LIMK1: variants seen among roughly 807,000 people sequenced by gnomAD.
LIMK1 encodes the protein LIM motif-containing protein kinase.
In LIMK1, 21 loss-of-function variants were observed where a neutral mutation model predicts 77.6. The ratio of observed to expected loss-of-function variants is 0.27; its 90% confidence interval spans 0.19 to 0.39. LIMK1 has a LOEUF of 0.39. Among genes scored for constraint, LIMK1 ranks in the 10% least tolerant of loss-of-function variants. LIMK1 has a pLI of 1.00. For missense variants in LIMK1, 696 were observed against 901.6 expected (o/e 0.77, Z 2.92); for synonymous variants, 358 against 370.0 (o/e 0.97, Z 0.37).
chr7:74,102,314 GTC>G lies in LIMK1; in HGVS notation c.608+3082_608+3083del, dbSNP rs374881434. Reference sequence around the variant, plus strand: ...TGCCATATTTGGGAGTTATATGTGTGTCTCTCTATATATACATATATGGATAC... The same window carrying G: ...TGCCATATTTGGGAGTTATATGTGTGTCTCTATATATACATATATGGATAC... On this transcript the variant is annotated intron_variant, in intron 5 of 15. Transcript: ENST00000336180. Among the ~76,000 whole-genome samples, 50 of 151,964 alleles carry G rather than the reference GTC, an allele frequency of 3.3e-4. 1 individual carries two copies. In the East Asian group the frequency reaches 9.5e-3, roughly 29 times the overall value.
intron 2 of LIMK1, among the ~76,000 whole-genome samples, chr7:74,091,895 A>T (rs1267783140): frequency 6.8e-6 from 1 of 147,940 alleles, no homozygotes; most frequent in Non-Finnish European, 1.5e-5. Context: ...GAGTGCAGTC[A>T]GTGGCCAGGG....
rs782543442 is a variant in LIMK1 at position 74,121,041 on chromosome 7, C to T, written c.1773C>T (p.Pro591=). ...CCGTGCGCTGTTGCGATCTGGACCC[C>T]GAGAAGAGGTGAGTGGGGTGGGGCC... is the stretch of plus-strand genomic sequence containing the variant. ...PITVRCCDLD[P]EKRPSFVKLE... The change falls in exon 15 of 16, where the codon CCC becomes CCT. Residue 591 remains proline (P), a synonymous_variant. Transcript: ENST00000336180. The T allele has an allele frequency of 9.4e-6, 15 of 1,596,496 alleles. No individual in the cohort carries two copies. Among genetic ancestry groups the T allele is most frequent in the Non-Finnish European group, 1.3e-5 (15 of 1,170,298 alleles).
chr7:74,106,329 C>T (rs1336452558), intron 7 of LIMK1, 86 bp downstream of exon 7: 2 of 1,465,104 alleles, frequency 1.4e-6, no homozygotes, highest in East Asian at 2.3e-5. Context: ...GGGGAGCCAG[C>T]CCTGCACAAA....
Position 74,106,112 on chromosome 7 carries a change from C to T in LIMK1, c.750C>T (p.Leu250=). Residue 250 remains leucine (L), a synonymous_variant, in exon 7 of 16, where the codon CTC becomes CTT. Transcript: ENST00000336180. ...DLLIQETSRL[L]QLTLEHDPHD... ...TGATTCAGGAAACCAGCCGCCTGCT[C>T]CAGCTGACCCTCGAGCATGACCCTC... The T allele has an allele frequency of 6.2e-7, 1 of 1,614,144 alleles. No individual in the cohort carries two copies. The highest frequency in any genetic ancestry group is 1.1e-5 in the South Asian group (1 of 91,082).
chr7:74,102,028 C>T (rs973910543), intron 5 of LIMK1, among the ~76,000 whole-genome samples: 12 of 152,038 alleles, frequency 7.9e-5, no homozygotes, highest in African/African-American at 1.2e-4. Flanking sequence ...CTTGCTGTGT[C>T]GCCCAGGCTA....
intron 5 of LIMK1, among the ~76,000 whole-genome samples, chr7:74,103,425 G>A (rs1799507222): frequency 6.6e-6 from 1 of 152,070 alleles, no homozygotes; most frequent in Non-Finnish European, 1.5e-5. Context: ...TCCTCTTAGG[G>A]AGACAGGCTC....
intron 2 of LIMK1, among the ~76,000 whole-genome samples, chr7:74,086,993 C>G (rs987428563): frequency 6.6e-6 from 1 of 152,054 alleles, no homozygotes; most frequent in Non-Finnish European, 1.5e-5. Flanking sequence ...TACATGAGGA[C>G]CTGAAGGTCA....
At chr7:74,116,241 C>G (rs899462872) in intron 13 of LIMK1, among the ~76,000 whole-genome samples, 2 of 152,094 alleles carry the variant, frequency 1.3e-5, no homozygotes, top group African/African-American at 2.4e-5. Context: ...ACTAAAAATA[C>G]AAAAATTAGC....
Position 74,099,266 on chromosome 7 carries a change from G to A in LIMK1, c.608+28G>A, listed in dbSNP as rs568492420. The A allele has an allele frequency of 5.7e-5, 91 of 1,595,836 alleles. 1 individual carries two copies. In the East Asian group the frequency reaches 1.4e-3, roughly 25 times the overall value. On this transcript the variant is annotated intron_variant, in intron 5 of 15. Transcript: ENST00000336180. The stretch of plus-strand genomic sequence containing the variant: ...GAGTGGCCGGCCTGCCGAGGCTGCC[G>A]TCGGTGTGGCTATGGCTGTTGATGT...
At chr7:74,105,111 G>A (rs1362930649) in intron 5 of LIMK1, among the ~76,000 whole-genome samples, 6 of 152,086 alleles carry the variant, frequency 3.9e-5, no homozygotes, top group Non-Finnish European at 8.8e-5. Flanking sequence ...CCACTGCCAC[G>A]CTCGGCTAAT....
intron 9 of LIMK1, among the ~76,000 whole-genome samples, 171 bp downstream of exon 9, chr7:74,108,128 G>A (rs528007372): frequency 6.6e-6 from 1 of 152,026 alleles, no homozygotes; most frequent in South Asian, 2.1e-4. Flanking sequence ...AAGGAGAGAG[G>A]ATACTTTGAG....
At chr7:74,106,273 G>T (rs910165258) in intron 7 of LIMK1, 30 bp downstream of exon 7, 1 of 1,577,914 alleles carries the variant, frequency 6.3e-7, no homozygotes, top group Non-Finnish European at 8.6e-7. Flanking sequence ...GGTTCAGCTG[G>T]GTGCTTTCAC....
chr7:74,121,333 C>T lies in LIMK1; in HGVS notation c.*32C>T. On this transcript the variant is annotated 3_prime_UTR_variant, in exon 16 of 16. Transcript: ENST00000336180. ...GCCACTCAGCTGCCCCTGTCCCCAC[C>T]TCTGGAGAATCCACCCCCACCAGAT... The T allele has an allele frequency of 6.6e-7, 1 of 1,526,618 alleles. No individual in the cohort carries two copies. The highest frequency in any genetic ancestry group is 8.8e-7 in the Non-Finnish European group (1 of 1,137,250). The allele number at this position is 1,526,618 out of a possible 1,614,324, so 94.6% of individuals were successfully genotyped here. A position where few individuals can be genotyped will look rare whatever the true frequency, so the allele number is the denominator to read the frequency against.
chr7:74,084,541 C>T (rs1799095619), intron 1 of LIMK1, among the ~76,000 whole-genome samples: 1 of 152,122 alleles, frequency 6.6e-6, no homozygotes, highest in Non-Finnish European at 1.5e-5. Context: ...GTTGCCCCCC[C>T]GGTGTCGGTG....
chr7:74,102,455 G>A (rs565593070), intron 5 of LIMK1, among the ~76,000 whole-genome samples: 1 of 120,070 alleles, frequency 8.3e-6, no homozygotes, highest in South Asian at 2.7e-4. Context: ...CCACAATTAT[G>A]CTAGATATTC....
At chr7:74,119,388 A>C (rs538136751) in intron 13 of LIMK1, among the ~76,000 whole-genome samples, 2 of 141,098 alleles carry the variant, frequency 1.4e-5, no homozygotes, top group South Asian at 4.7e-4. Context: ...CATGTTGGCC[A>C]GGCTGATCTT....
chr7:74,115,577 G>A, intron 12 of LIMK1: 1 of 523,194 alleles, frequency 1.9e-6, no homozygotes, highest in Non-Finnish European at 3.4e-6. Flanking sequence ...AGCGTGTGGT[G>A]GGAGGGAGGA....
At chr7:74,098,210 C>A (rs112341566) in intron 4 of LIMK1, among the ~76,000 whole-genome samples, 3 of 152,112 alleles carry the variant, frequency 2.0e-5, no homozygotes, top group Non-Finnish European at 4.4e-5. Flanking sequence ...TGTATCTTTG[C>A]GGGGCTGAGT....
At chr7:74,101,538 G>A (rs988403792) in intron 5 of LIMK1, among the ~76,000 whole-genome samples, 15 of 152,158 alleles carry the variant, frequency 9.9e-5, no homozygotes, top group Middle Eastern at 3.4e-3. Context: ...AGTTAATGAC[G>A]TCTCCTCCCT....
Sources: gnomAD v4.1 joint callset for allele counts (sites outside exome capture counted in the v4.1 genomes callset) on GRCh38, gnomAD v4.1.1 for gene constraint, MANE v1.5 for transcripts, NCBI Gene and HGNC (gene_info 2026-07-23, HGNC 2026-07-21) for gene names.